Variants in GPRC5B observed in about 807,000 individuals in gnomAD.
GPRC5B encodes G protein-coupled receptor family C group 5 member B.
Under a neutral mutation model 30.1 loss-of-function variants are expected in GPRC5B, and 16 were observed. The ratio of observed to expected loss-of-function variants is 0.53; its 90% confidence interval spans 0.36 to 0.81. The LOEUF (loss-of-function observed/expected upper bound fraction) is 0.81. Ranked by LOEUF, GPRC5B falls within the 30% of genes least tolerant of loss-of-function variation. GPRC5B has a pLI of 0.01. For synonymous variants in GPRC5B, 241 were observed against 239.5 expected (o/e 1.01, Z -0.06); for missense variants, 428 against 544.7 (o/e 0.79, Z 2.13).
intron 2 of GPRC5B, among the ~76,000 whole-genome samples, chr16:19,869,735 T>C (rs2056698395): frequency 6.6e-6 from 1 of 152,120 alleles, no homozygotes; most frequent in Non-Finnish European, 1.5e-5. Context: ...TTGGAACTGA[T>C]GATACTTATC....
chr16:19,863,717 G>A (rs1425409966), intron 2 of GPRC5B, among the ~76,000 whole-genome samples: 1 of 151,918 alleles, frequency 6.6e-6, no homozygotes, highest in Non-Finnish European at 1.5e-5. Context: ...TGGCCAAGCT[G>A]GTGTCAAACT....
chr16:19,867,207 A>G (rs2056674645), intron 2 of GPRC5B, among the ~76,000 whole-genome samples: 1 of 152,142 alleles, frequency 6.6e-6, no homozygotes, highest in African/African-American at 2.4e-5. Context: ...CGCTTTATGG[A>G]GAGGAGGGTA....
In GPRC5B at chr16:19,872,233, T is replaced by C. The variant is rs779080253; in HGVS notation, c.613A>G (p.Ile205Val). 2 of 1,614,178 alleles carry C rather than the reference T, an allele frequency of 1.2e-6. No individual in the cohort carries two copies. Among genetic ancestry groups the C allele is most frequent in the Admixed American group, 1.7e-5 (1 of 60,022 alleles). ...ACCACAAGCAGTACCATGTCGTAGA[T>C]GAGGGCCATCACAAAGTCCATGGGC... ...YEPMDFVMAL[I>V]YDMVLLVVTL... The change falls in exon 2 of 4, where the codon ATC (isoleucine) becomes GTC (valine). Residue 205 changes from isoleucine to valine, a missense_variant. Coordinates refer to ENST00000300571, the MANE Select transcript of GPRC5B (RefSeq NM_016235.3). This position sits in a 1 kb window ranked among gnomAD's most constrained non-coding sequence, Gnocchi z 5.0.
chr16:19,874,221 T>TTGCCCATATACGAGCTGGAG (rs1454777220), intron 1 of GPRC5B, among the ~76,000 whole-genome samples: 1 of 152,168 alleles, frequency 6.6e-6, no homozygotes. Flanking sequence ...GCCCTCTCTC[T>TTGCCCATATACGAGCTGGAG]TGCCCATATA....
intron 2 of GPRC5B, among the ~76,000 whole-genome samples, chr16:19,866,494 G>A (rs972334697): frequency 1.1e-4 from 16 of 152,120 alleles, no homozygotes; most frequent in Admixed American, 9.2e-4. Flanking sequence ...GCGAGTACCT[G>A]GGACTACAGG....
intron 1 of GPRC5B, among the ~76,000 whole-genome samples, chr16:19,884,257 G>A (rs2056833139): frequency 6.7e-6 from 1 of 149,032 alleles, no homozygotes; most frequent in Non-Finnish European, 1.5e-5. Context: ...CGACAGGTGC[G>A]GCTGTTCACC....
At chr16:19,862,960 AAG>A (rs1417843440) in intron 2 of GPRC5B, among the ~76,000 whole-genome samples, 1 of 152,232 alleles carries the variant, frequency 6.6e-6, no homozygotes, top group Non-Finnish European at 1.5e-5. Context: ...AAAAAGCAAC[AAG>A]AGAGCTTGTT....
At chr16:19,861,998 A>C in intron 2 of GPRC5B, 25 bp from the exon 3 acceptor site, 2 of 1,612,388 alleles carry the variant, frequency 1.2e-6, no homozygotes, top group Non-Finnish European at 1.7e-6. Context: ...GATTGGCAAG[A>C]CAACATTGCC....
Position 19,871,281 on chromosome 16 carries a change from C to CAAAA in GPRC5B, c.1030+531_1030+534dup, listed in dbSNP as rs71375667. ...TGGGCAACAGAACAAGACCCTGTCT[C>CAAAA]AAAAAAAAAAAAAAAAAAAGAAAGA... On this transcript the variant is annotated intron_variant, in intron 2 of 3. Coordinates refer to ENST00000300571, the MANE Select transcript of GPRC5B (RefSeq NM_016235.3). Among the ~76,000 whole-genome samples the CAAAA allele has an allele frequency of 2.4e-3, 168 of 70,244 alleles. 6 individuals are homozygous for CAAAA. The highest frequency in any genetic ancestry group is 9.0e-3 in the African/African-American group (150 of 16,662). 46.1% of individuals were successfully genotyped at this position (70,244 alleles called of 152,430 possible).
chr16:19,858,613 T>C lies in GPRC5B; in HGVS notation c.*1887A>G, dbSNP rs2056594016. ...GGACCGAGGTGTTTGAAGATTTCTT[T>C]CTTTTCAGAATACCGGGTCCGCATG... is the stretch of plus-strand genomic sequence containing the variant. On this transcript the variant is annotated 3_prime_UTR_variant, in exon 4 of 4. Coordinates refer to ENST00000300571, the MANE Select transcript of GPRC5B (RefSeq NM_016235.3). 1.7e-6 allele frequency: 1 copy of C among 584,172 alleles called. No homozygotes were observed. The highest frequency in any genetic ancestry group is 2.7e-5 in the Admixed American group (1 of 37,074). The allele number at this position is 584,172 out of a possible 1,614,324, so 36.2% of individuals were successfully genotyped here.
chr16:19,885,080 G>C (rs951843402), upstream of GPRC5B: 4 of 769,584 alleles, frequency 5.2e-6, no homozygotes, highest in African/African-American at 5.5e-5. The surrounding 1 kb of genome is among the most constrained non-coding windows in gnomAD (Gnocchi z 5.3). Context: ...CCCCGACCTC[G>C]TGCCCCCAAT....
At chr16:19,871,031 G>A (rs1393614653) in intron 2 of GPRC5B, among the ~76,000 whole-genome samples, 1 of 151,750 alleles carries the variant, frequency 6.6e-6, no homozygotes, top group East Asian at 1.9e-4. Context: ...AGTGGCTCAT[G>A]CCAGAGTTTT....
intron 2 of GPRC5B, among the ~76,000 whole-genome samples, chr16:19,871,215 C>T (rs867659592): frequency 3.8e-5 from 5 of 133,006 alleles, no homozygotes; most frequent in East Asian, 2.3e-4. Flanking sequence ...GCCAGGAGTT[C>T]GAGGCTGCAG....
At position 19,871,297 on chromosome 16, in the gene GPRC5B, A is replaced by G. The variant is rs578064342; in HGVS notation, c.1030+519T>C. On this transcript the variant is annotated intron_variant, in intron 2 of 3. Coordinates refer to ENST00000300571, the MANE Select transcript of GPRC5B (RefSeq NM_016235.3). ...ACCCTGTCTCAAAAAAAAAAAAAAA[A>G]AAAGAAAGAAAGAAAAAAACAAAAA... Among the ~76,000 whole-genome samples, 356 of 150,510 alleles carry G rather than the reference A, an allele frequency of 2.4e-3. 4 individuals are homozygous for G. The highest frequency in any genetic ancestry group is 7.4e-3 in the African/African-American group (304 of 40,990).
At chr16:19,884,620 T>G in intron 1 of GPRC5B, 107 bp downstream of exon 1, 1 of 839,354 alleles carries the variant, frequency 1.2e-6, no homozygotes, top group Non-Finnish European at 1.4e-6. Flanking sequence ...GGGGGGCGCT[T>G]AGAAAAACAC....
intron 1 of GPRC5B, among the ~76,000 whole-genome samples, chr16:19,879,815 G>A (rs536723995): frequency 6.6e-6 from 1 of 152,226 alleles, no homozygotes; most frequent in East Asian, 1.9e-4. Flanking sequence ...AATGGGGTAA[G>A]CACTTTATAT....
chr16:19,885,054 A>T, upstream of GPRC5B: 2 of 685,928 alleles, frequency 2.9e-6, no homozygotes, highest in Non-Finnish European at 4.3e-6. This position sits in a 1 kb window ranked among gnomAD's most constrained non-coding sequence, Gnocchi z 5.3. Flanking sequence ...TCTAGCCCGG[A>T]TCTCAGAGAC....
In GPRC5B at chr16:19,883,068, A is replaced by G. The variant is rs1241361230; in HGVS notation, c.-2+1659T>C. On this transcript the variant is annotated intron_variant, in intron 1 of 3. Coordinates refer to ENST00000300571, the MANE Select transcript of GPRC5B (RefSeq NM_016235.3). ...TATTTTCCTGGCCGTCCTCACCCCAATCGGATTTCATAGCCATTTGCTATG... is the reference window on the plus strand; with the variant it reads ...TATTTTCCTGGCCGTCCTCACCCCAGTCGGATTTCATAGCCATTTGCTATG... Among the ~76,000 whole-genome samples, 6 of 151,868 alleles carry G rather than the reference A, an allele frequency of 4.0e-5. No homozygotes were observed. In the Middle Eastern group the frequency reaches 9.5e-3, roughly 240 times the overall value.
In GPRC5B at chr16:19,872,375, G is replaced by A. The variant is rs144341472; in HGVS notation, c.471C>T (p.Pro157=). The A allele has an allele frequency of 5.9e-5, 95 of 1,613,412 alleles. 1 individual carries two copies. Among genetic ancestry groups the A allele is most frequent in the African/African-American group, 4.1e-4 (31 of 75,052 alleles). ...CCAGGCCCACCAGCTGCCAGCCCGCGGGGCCCGTGCCATGCCGCACCAGCC... is the reference window on the plus strand; with the variant it reads ...CCAGGCCCACCAGCTGCCAGCCCGCAGGGCCCGTGCCATGCCGCACCAGCC... The part of the protein sequence containing the change: ...VRRLVRHGTG[P]AGWQLVGLAL... Residue 157 remains proline (P), a synonymous_variant, in exon 2 of 4, where the codon CCC becomes CCT. Transcript: ENST00000300571. The surrounding 1 kb of genome is among the most constrained non-coding windows in gnomAD (Gnocchi z 5.0).
Sources: allele counts gnomAD v4.1 joint callset (sites outside exome capture counted in the v4.1 genomes callset), GRCh38; gene constraint gnomAD v4.1.1; non-coding constraint Gnocchi (gnomAD v3.1); transcripts MANE v1.5; gene names NCBI Gene and HGNC (gene_info 2026-07-23, HGNC 2026-07-21).